The following ABI3BP variants were observed in gnomAD, a reference collection of about 807,000 sequenced individuals.
ABI3BP encodes ABI family member 3 binding protein.
Under a neutral mutation model 268.6 loss-of-function variants are expected in ABI3BP, and 216 were observed. The ratio of observed to expected loss-of-function variants is 0.80; its 90% CI spans 0.72 to 0.90. ABI3BP has a LOEUF of 0.90. Among genes scored for constraint, ABI3BP ranks in the 40% least tolerant of loss-of-function variants. The pLI is 0.00. For missense variants in ABI3BP, 2,090 were observed against 2,182.4 expected, an observed-to-expected ratio of 0.96 and a Z score of 0.84; for synonymous variants, 730 against 730.0, an observed-to-expected ratio of 1.00 and a Z score of 0.00.
At chr3:100,979,844 A>G (rs967093119) in intron 1 of ABI3BP, among the ~76,000 whole-genome samples, 1 of 152,244 alleles carries the variant, frequency 6.6e-6, no homozygotes, top group African/African-American at 2.4e-5. Flanking sequence ...AACATCTGAG[A>G]AAGGCACCTG....
intron 9 of ABI3BP, among the ~76,000 whole-genome samples, chr3:100,874,243 G>A (rs1425536867): frequency 6.6e-6 from 1 of 152,118 alleles, no homozygotes; most frequent in Non-Finnish European, 1.5e-5. Context: ...AGGTGCTCCT[G>A]ATGTTTGATC....
intron 6 of ABI3BP, among the ~76,000 whole-genome samples, chr3:100,883,934 C>G (rs1326101324): frequency 6.6e-6 from 1 of 151,982 alleles, no homozygotes; most frequent in Non-Finnish European, 1.5e-5. Context: ...TAATCATGCA[C>G]TTAGATCATA....
chr3:100,980,176 C>G (rs2088586164), intron 1 of ABI3BP, among the ~76,000 whole-genome samples: 1 of 152,178 alleles, frequency 6.6e-6, no homozygotes, highest in Non-Finnish European at 1.5e-5. Flanking sequence ...GTTGATCATT[C>G]AAAAATTCAT....
At chr3:100,918,175 T>G (rs945142226) in intron 2 of ABI3BP, among the ~76,000 whole-genome samples, 1 of 152,148 alleles carries the variant, frequency 6.6e-6, no homozygotes, top group African/African-American at 2.4e-5. Context: ...TTAGATGACA[T>G]TTTGAAAATA....
rs184035876 is a variant in ABI3BP at position 100,781,965 on chromosome 3, C to T, written c.4163-1756G>A. Reference sequence around the variant, plus strand: ...ATTCAGGCCTACATATGCCAGGATCCAAAGCCTATCTCTTCAGCACTAAGA... The same window carrying T: ...ATTCAGGCCTACATATGCCAGGATCTAAAGCCTATCTCTTCAGCACTAAGA... On this transcript the variant is annotated intron_variant, in intron 57 of 67. Transcript: ENST00000471714. Among the ~76,000 whole-genome samples, 5 of 152,304 alleles carry T rather than the reference C, an allele frequency of 3.3e-5. No homozygotes were observed. In the East Asian group the frequency reaches 9.7e-4, roughly 29 times the overall value.
intron 9 of ABI3BP, among the ~76,000 whole-genome samples, chr3:100,868,981 T>A (rs2099080775): frequency 6.6e-6 from 1 of 152,196 alleles, no homozygotes; most frequent in African/African-American, 2.4e-5. Flanking sequence ...GAAGTTTTTT[T>A]AAATGTAAAA....
chr3:100,920,608 T>A (rs956881682), intron 2 of ABI3BP, among the ~76,000 whole-genome samples: 8 of 151,988 alleles, frequency 5.3e-5, no homozygotes, highest in African/African-American at 1.9e-4. Flanking sequence ...TTTTTAGTAA[T>A]GACAGGGTTT....
intron 1 of ABI3BP, among the ~76,000 whole-genome samples, chr3:100,935,653 T>G (rs1247527451): frequency 6.6e-6 from 1 of 152,178 alleles, no homozygotes; most frequent in Non-Finnish European, 1.5e-5. Flanking sequence ...TCTTACTTCC[T>G]TGAGCAGTGG....
intron 1 of ABI3BP, among the ~76,000 whole-genome samples, chr3:100,992,517 T>C (rs2154001855): frequency 6.6e-6 from 1 of 152,290 alleles, no homozygotes; most frequent in South Asian, 2.1e-4. Context: ...TAAAAAGCCT[T>C]CACAGACCTA....
At chr3:100,951,289 C>T (rs567300553) in intron 1 of ABI3BP, among the ~76,000 whole-genome samples, 22 of 152,022 alleles carry the variant, frequency 1.4e-4, no homozygotes, top group African/African-American at 4.6e-4. Context: ...CTTGATTTTA[C>T]TCTGTGACAC....
At chr3:100,857,202 A>T (rs975870398) in intron 14 of ABI3BP, among the ~76,000 whole-genome samples, 1 of 152,186 alleles carries the variant, frequency 6.6e-6, no homozygotes, top group African/African-American at 2.4e-5. Context: ...TTATTAAGTA[A>T]TTTAAAAGCA....
intron 60 of ABI3BP, 82 bp from the exon 61 acceptor site, chr3:100,774,755 ATTCAATATTTCTTCTTG>A: frequency 1.8e-6 from 2 of 1,084,020 alleles, no homozygotes; most frequent in Non-Finnish European, 2.6e-6. Context: ...GACTAAAGAT[ATTCAATATTTCTTCTTG>A]TAAACTGCTT....
At chr3:100,756,308 T>C (rs1307578552) in intron 63 of ABI3BP, among the ~76,000 whole-genome samples, 1 of 152,212 alleles carries the variant, frequency 6.6e-6, no homozygotes, top group Non-Finnish European at 1.5e-5. Context: ...GCAGATCACA[T>C]GAGGTCCTGA....
chr3:100,841,938 G>C, intron 21 of ABI3BP, 60 bp downstream of exon 21: 1 of 1,218,376 alleles, frequency 8.2e-7, no homozygotes, highest in Non-Finnish European at 1.1e-6. Flanking sequence ...GCTGAACAAA[G>C]TTGAACATGG....
At chr3:100,897,442 A>G (rs2048246270) in intron 4 of ABI3BP, among the ~76,000 whole-genome samples, 1 of 152,228 alleles carries the variant, frequency 6.6e-6, no homozygotes, top group Non-Finnish European at 1.5e-5. Flanking sequence ...TAGCAAGAGA[A>G]TAAACTTTTG....
intron 61 of ABI3BP, among the ~76,000 whole-genome samples, chr3:100,771,653 T>G: frequency 6.6e-6 from 1 of 152,048 alleles, no homozygotes; most frequent in Non-Finnish European, 1.5e-5. Flanking sequence ...TTAATACCTA[T>G]AAGATAATAC....
chr3:100,822,493 A>G (rs935570226), intron 38 of ABI3BP, 96 bp downstream of exon 38: 34 of 1,028,472 alleles, frequency 3.3e-5, no homozygotes, highest in Admixed American at 1.5e-4. Flanking sequence ...TCCCTCTCAC[A>G]GGGGCCTATT....
chr3:100,940,292 G>C (rs2068360211), intron 1 of ABI3BP, among the ~76,000 whole-genome samples: 1 of 152,006 alleles, frequency 6.6e-6, no homozygotes, highest in African/African-American at 2.4e-5. Context: ...CACAATTTAT[G>C]TTTAGAGATT....
intron 1 of ABI3BP, among the ~76,000 whole-genome samples, chr3:100,965,155 G>A (rs545165443): frequency 2.0e-5 from 3 of 152,268 alleles, no homozygotes; most frequent in Non-Finnish European, 2.9e-5. Context: ...ACTCTTTTCA[G>A]TAAGAGTTCA....
Sources: allele counts gnomAD v4.1 joint callset (sites outside exome capture counted in the v4.1 genomes callset), GRCh38; gene constraint gnomAD v4.1.1; transcripts MANE v1.5; gene names NCBI Gene and HGNC (gene_info 2026-07-23, HGNC 2026-07-21).